Variants in BLTP3B observed in about 807,000 individuals in gnomAD.
The protein encoded by BLTP3B is bridge-like lipid transfer protein family member 3B.
At chr12:100,137,256 T>C in the BLTP3B span, among the ~76,000 whole-genome samples, 2 of 152,168 alleles carry the variant, frequency 1.3e-5, no homozygotes, top group Non-Finnish European at 2.9e-5. Flanking sequence ...TCCCAATCCT[T>C]TGACGGTTCT....
the BLTP3B span, chr12:100,059,219 T>C: frequency 6.2e-7 from 1 of 1,614,054 alleles, no homozygotes; most frequent in Middle Eastern, 1.7e-4. Context: ...CAGCAGAAGT[T>C]TTAAGAGTGT....
the BLTP3B span, among the ~76,000 whole-genome samples, chr12:100,055,333 C>T: frequency 1.3e-5 from 2 of 152,032 alleles, no homozygotes; most frequent in Non-Finnish European, 2.9e-5. Flanking sequence ...AGATTAAATA[C>T]ATGTAAGACG....
the BLTP3B span, chr12:100,057,693 T>C: frequency 3.7e-5 from 59 of 1,612,234 alleles, no homozygotes; most frequent in Non-Finnish European, 4.8e-5. Context: ...CATATTCTTA[T>C]AAGAAACACA....
the BLTP3B span, among the ~76,000 whole-genome samples, chr12:100,138,312 C>G: frequency 1.3e-5 from 2 of 152,176 alleles, no homozygotes; most frequent in African/African-American, 4.8e-5. Context: ...TCCCTTTTTA[C>G]TTAAATAGAT....
the BLTP3B span, chr12:100,128,658 TC>T: frequency 2.3e-6 from 3 of 1,288,384 alleles, no homozygotes; most frequent in African/African-American, 4.6e-5. Flanking sequence ...CTTAGACTCC[TC>T]TGGTACTCAT....
At chr12:100,044,763 AC>A in the BLTP3B span, among the ~76,000 whole-genome samples, 1 of 152,190 alleles carries the variant, frequency 6.6e-6, no homozygotes, top group African/African-American at 2.4e-5. Context: ...ATCAGGCAAG[AC>A]AAAGAAATAA....
the BLTP3B span, among the ~76,000 whole-genome samples, chr12:100,090,700 TG>T: frequency 9.2e-5 from 14 of 152,140 alleles, no homozygotes; most frequent in Non-Finnish European, 1.8e-4. Flanking sequence ...GAAATATAGC[TG>T]TAAAACGTTA....
At chr12:100,106,665 A>G in the BLTP3B span, among the ~76,000 whole-genome samples, 1 of 152,188 alleles carries the variant, frequency 6.6e-6, no homozygotes, top group African/African-American at 2.4e-5. Flanking sequence ...TACACTACTC[A>G]GCTGACAGAT....
chr12:100,044,103 T>G, the BLTP3B span, among the ~76,000 whole-genome samples: 74 of 152,312 alleles, frequency 4.9e-4, no homozygotes, highest in African/African-American at 1.2e-3. Flanking sequence ...GTTTTGTTTT[T>G]TTTAATAAGA....
the BLTP3B span, among the ~76,000 whole-genome samples, chr12:100,067,290 C>A: frequency 6.6e-6 from 1 of 151,910 alleles, no homozygotes; most frequent in African/African-American, 2.4e-5. Flanking sequence ...ACTAGAGAAA[C>A]AAGAACAAAC....
chr12:100,095,593 ACC>A, the BLTP3B span: 1 of 1,528,390 alleles, frequency 6.5e-7, no homozygotes, highest in Non-Finnish European at 8.8e-7. Flanking sequence ...TAAAGAAAAT[ACC>A]AACAATTCCT....
At chr12:100,100,543 T>G in the BLTP3B span, among the ~76,000 whole-genome samples, 1 of 151,804 alleles carries the variant, frequency 6.6e-6, no homozygotes, top group African/African-American at 2.4e-5. Context: ...GACCACCATC[T>G]CTACAAAAAA....
chr12:100,039,753 T>A, the BLTP3B span: 1 of 1,613,224 alleles, frequency 6.2e-7, no homozygotes, highest in Non-Finnish European at 8.5e-7. Context: ...TTTGACATTT[T>A]CTTTCAAATC....
chr12:100,077,383 A>G, the BLTP3B span, among the ~76,000 whole-genome samples: 1 of 152,254 alleles, frequency 6.6e-6, no homozygotes, highest in Non-Finnish European at 1.5e-5. Context: ...TAAGCAACAC[A>G]TGACTGTATA....
chr12:100,137,185 A>G, the BLTP3B span, among the ~76,000 whole-genome samples: 1 of 151,994 alleles, frequency 6.6e-6, no homozygotes, highest in African/African-American at 2.4e-5. Context: ...TTCAGACAAA[A>G]TCTCCAACCC....
chr12:100,100,391 T>A, the BLTP3B span, among the ~76,000 whole-genome samples: 46 of 152,026 alleles, frequency 3.0e-4, no homozygotes, highest in African/African-American at 4.8e-4. Flanking sequence ...TGCAAAAAAA[T>A]TTTTTTAATA....
chr12:100,039,755 T>C, the BLTP3B span: 25 of 1,613,132 alleles, frequency 1.5e-5, no homozygotes, highest in Non-Finnish European at 2.0e-5. Context: ...TGACATTTTC[T>C]TTCAAATCAT....
the BLTP3B span, among the ~76,000 whole-genome samples, chr12:100,127,730 T>C: frequency 2.6e-5 from 4 of 152,298 alleles, no homozygotes; most frequent in East Asian, 7.7e-4. Context: ...AAATGAATCC[T>C]GGCAGAGCAT....
the BLTP3B span, among the ~76,000 whole-genome samples, chr12:100,066,385 T>C: frequency 6.6e-6 from 1 of 152,002 alleles, no homozygotes. Context: ...CAATTACTAA[T>C]AGGCCTAAGA....
Sources: gnomAD v4.1 joint callset for allele counts (sites outside exome capture counted in the v4.1 genomes callset) on GRCh38, gnomAD v4.1.1 for gene constraint, MANE v1.5 for transcripts, NCBI Gene and HGNC (gene_info 2026-07-23, HGNC 2026-07-21) for gene names.